ERC2: variants seen among roughly 807,000 people sequenced by gnomAD.
ERC2 encodes ERC protein 2.
In ERC2, 42 loss-of-function variants were observed where a neutral mutation model predicts 114.8. That is an observed-to-expected ratio of 0.37 (90% confidence interval 0.29 to 0.47). The LOEUF (loss-of-function observed/expected upper bound fraction) is 0.47. ERC2 is among the 20% of genes least tolerant of loss of function. The pLI, the probability that ERC2 is intolerant of heterozygous loss-of-function variation, is 0.99. For missense variants in ERC2, 939 were observed against 1,150.7 expected, an observed-to-expected ratio of 0.82 and a Z score of 2.66; for synonymous variants, 454 against 425.5, an observed-to-expected ratio of 1.07 and a Z score of -0.82.
chr3:55,527,782 C>G (rs541513607), intron 17 of ERC2, among the ~76,000 whole-genome samples: 21 of 152,258 alleles, frequency 1.4e-4, no homozygotes, highest in African/African-American at 5.1e-4. Flanking sequence ...AAAATAAGAG[C>G]TAAAAACTAT....
intron 17 of ERC2, among the ~76,000 whole-genome samples, chr3:55,675,459 G>C (rs1172832533): frequency 1.3e-5 from 2 of 152,210 alleles, no homozygotes; most frequent in African/African-American, 4.8e-5. Context: ...TGCTCCAATA[G>C]CAGAAAGGAA....
intron 17 of ERC2, among the ~76,000 whole-genome samples, chr3:55,568,535 C>T (rs998665363): frequency 6.6e-6 from 1 of 152,212 alleles, no homozygotes; most frequent in Non-Finnish European, 1.5e-5. Flanking sequence ...CTTCATGTTC[C>T]ACATCCAATA....
At chr3:55,544,790 T>C (rs1375366747) in intron 17 of ERC2, among the ~76,000 whole-genome samples, 3 of 152,166 alleles carry the variant, frequency 2.0e-5, no homozygotes, top group African/African-American at 7.2e-5. Flanking sequence ...ATCATAGCAA[T>C]GGATGCTGCC....
intron 3 of ERC2, among the ~76,000 whole-genome samples, chr3:56,174,062 G>C (rs1322731964): frequency 1.3e-5 from 2 of 152,172 alleles, no homozygotes; most frequent in Non-Finnish European, 2.9e-5. Context: ...TTCAGTCCTT[G>C]TTTAAAATCA....
At chr3:55,873,559 G>A (rs2062683249) in intron 14 of ERC2, among the ~76,000 whole-genome samples, 1 of 152,188 alleles carries the variant, frequency 6.6e-6, no homozygotes, top group Admixed American at 6.5e-5. Flanking sequence ...TCTGCTTTAG[G>A]ATAAACATGA....
At chr3:56,167,837 G>A (rs1386959960) in intron 4 of ERC2, among the ~76,000 whole-genome samples, 1 of 152,110 alleles carries the variant, frequency 6.6e-6, no homozygotes, top group African/African-American at 2.4e-5. Flanking sequence ...TGGCTGTAAT[G>A]TACATATTTG....
At chr3:56,288,963 G>A (rs567223120) in intron 3 of ERC2, among the ~76,000 whole-genome samples, 18 of 152,260 alleles carry the variant, frequency 1.2e-4, no homozygotes, top group Admixed American at 6.5e-4. Context: ...CGGCCTTGGG[G>A]CGTGGTGGTT....
chr3:56,010,573 C>T lies in ERC2; in HGVS notation c.1796G>A (p.Arg599His), dbSNP rs780910111. 2.9e-5 allele frequency: 47 copies of T among 1,613,074 alleles called. No homozygotes were observed. Among genetic ancestry groups the T allele is most frequent in the South Asian group, 6.6e-5 (6 of 91,044 alleles). Residue 599 changes from arginine (R) to histidine (H), a missense_variant, in exon 9 of 18, where the codon CGC becomes CAC. Physicochemically the swap from Arg to His is conservative, Grantham distance 29. Coordinates refer to ENST00000288221, the MANE Select transcript of ERC2 (RefSeq NM_015576.3). ...ATCTCTTTCTCGCTGTTCTTTCAAG[C>T]GCTCAATTATTCTCTCCTGTAAGGC... Reference protein sequence around the residue: ...ALSEKERIIERLKEQRERDDR... With the variant: ...ALSEKERIIEHLKEQRERDDR...
At chr3:55,982,693 T>C (rs2070254988) in intron 12 of ERC2, among the ~76,000 whole-genome samples, 1 of 152,222 alleles carries the variant, frequency 6.6e-6, no homozygotes, top group Non-Finnish European at 1.5e-5. Flanking sequence ...GCCTAGCCTA[T>C]TACACAGTAG....
intron 2 of ERC2, among the ~76,000 whole-genome samples, chr3:56,405,736 T>C (rs1376514163): frequency 6.6e-6 from 1 of 152,166 alleles, no homozygotes; most frequent in African/African-American, 2.4e-5. Flanking sequence ...CATAATATGA[T>C]AATACAGATC....
intron 14 of ERC2, among the ~76,000 whole-genome samples, chr3:55,780,374 A>C (rs770030486): frequency 1.3e-5 from 2 of 152,222 alleles, no homozygotes; most frequent in Admixed American, 1.3e-4. Flanking sequence ...TGTCAGGTTA[A>C]AAATTCACTA....
chr3:56,244,467 A>G (rs2051540280), intron 3 of ERC2, among the ~76,000 whole-genome samples: 1 of 152,144 alleles, frequency 6.6e-6, no homozygotes, highest in Non-Finnish European at 1.5e-5. Flanking sequence ...AGGCATTGAC[A>G]TCATAGGAGA....
rs1286210052 is a variant in ERC2 at position 55,615,715 on chromosome 3, T to A, written c.*39+68079A>T. On this transcript the variant is annotated intron_variant, in intron 17 of 17. Coordinates refer to ENST00000288221, the MANE Select transcript of ERC2 (RefSeq NM_015576.3). ...TACATGCACTAAGGAGAGGAATGAA[T>A]GATCATTGTTGGAACTATGATATTT... Among the ~76,000 whole-genome samples, 32 of 152,230 alleles carry A rather than the reference T, an allele frequency of 2.1e-4. 1 individual carries two copies. The highest frequency in any genetic ancestry group is 2.1e-3 in the Admixed American group (32 of 15,284).
In ERC2 at chr3:56,408,129, G is replaced by A. The variant is rs560912706; in HGVS notation, c.657+26222C>T. 2.6e-5 allele frequency among the ~76,000 whole-genome samples: 4 copies of A among 152,264 alleles called. No homozygotes were observed. In the East Asian group the frequency reaches 7.7e-4, roughly 29 times the overall value. ...CCCCACCAGCCCTTGTGAGACTCGG[G>A]ATACCTTCAGTCAGAGGATAGCCCT... On this transcript the variant is annotated intron_variant, in intron 2 of 17. Transcript: ENST00000288221.
At chr3:55,726,978 C>A (rs1233343810) in intron 15 of ERC2, among the ~76,000 whole-genome samples, 2 of 152,144 alleles carry the variant, frequency 1.3e-5, no homozygotes, top group Admixed American at 1.3e-4. Context: ...TAATGTCTGG[C>A]CCTCATTTTA....
intron 12 of ERC2, among the ~76,000 whole-genome samples, chr3:55,972,777 C>T (rs1337062186): frequency 6.6e-6 from 1 of 152,040 alleles, no homozygotes; most frequent in Admixed American, 6.6e-5. Flanking sequence ...GTGGAACTAT[C>T]GTCTTTTGAG....
intron 17 of ERC2, among the ~76,000 whole-genome samples, chr3:55,637,644 A>T (rs940204739): frequency 2.0e-5 from 3 of 152,184 alleles, no homozygotes; most frequent in Non-Finnish European, 1.5e-5. Flanking sequence ...CCAGCTTTCA[A>T]ATGCAGTACA....
At chr3:56,022,160 G>C (rs921568081) in intron 7 of ERC2, among the ~76,000 whole-genome samples, 4 of 152,222 alleles carry the variant, frequency 2.6e-5, no homozygotes, top group Admixed American at 2.0e-4. Flanking sequence ...GCATAGCATT[G>C]CTAACTAAAT....
intron 17 of ERC2, among the ~76,000 whole-genome samples, chr3:55,635,747 A>G (rs2059932418): frequency 6.6e-6 from 1 of 152,174 alleles, no homozygotes; most frequent in African/African-American, 2.4e-5. Flanking sequence ...AGAAACACGC[A>G]TAATGAAGAA....
Sources: allele counts gnomAD v4.1 joint callset (sites outside exome capture counted in the v4.1 genomes callset), GRCh38; gene constraint gnomAD v4.1.1; transcripts MANE v1.5; gene names NCBI Gene and HGNC (gene_info 2026-07-23, HGNC 2026-07-21).